B3GALT1: variants seen among roughly 807,000 people sequenced by gnomAD.
The protein encoded by B3GALT1 is beta-1,3-galactosyltransferase 1.
A neutral mutation model predicts 23.2 loss-of-function variants in B3GALT1; 10 were observed. The observed-to-expected ratio is 0.43, with a 90% confidence interval of 0.27 to 0.73. B3GALT1 has a LOEUF of 0.73. Ranked by LOEUF, B3GALT1 falls within the 30% of genes least tolerant of loss-of-function variation. The pLI is 0.21. For synonymous variants in B3GALT1, 156 were observed against 141.5 expected (o/e 1.10, Z -0.73); for missense variants, 299 against 405.4 (o/e 0.74, Z 2.25).
chr2:167,665,358 C>T (rs9678129), intron 3 of B3GALT1, among the ~76,000 whole-genome samples: 8 of 120,660 alleles, frequency 6.6e-5, no homozygotes, highest in African/African-American at 2.7e-4. Flanking sequence ...TGCTGGATTT[C>T]GTTTGCCAGT....
chr2:167,707,764 T>C (rs575434245), intron 3 of B3GALT1, among the ~76,000 whole-genome samples: 1 of 152,290 alleles, frequency 6.6e-6, no homozygotes, highest in South Asian at 2.1e-4. Flanking sequence ...ACCTAACACG[T>C]CCACAGATTC....
intron 1 of B3GALT1, among the ~76,000 whole-genome samples, chr2:167,420,648 G>A (rs750646087): frequency 6.6e-6 from 1 of 152,160 alleles, no homozygotes; most frequent in Non-Finnish European, 1.5e-5. Context: ...CTCATGCCTA[G>A]CATGGCCGTG....
chr2:167,826,918 A>AACTT (rs1171928037), intron 4 of B3GALT1, among the ~76,000 whole-genome samples: 15 of 152,214 alleles, frequency 9.9e-5, no homozygotes, highest in Middle Eastern at 3.2e-3. Flanking sequence ...TTATATAAGG[A>AACTT]ACTTAAGCAT....
chr2:167,583,234 C>T (rs746623192), intron 2 of B3GALT1, among the ~76,000 whole-genome samples: 22 of 152,142 alleles, frequency 1.4e-4, no homozygotes, highest in Non-Finnish European at 2.6e-4. Flanking sequence ...CCTTTTGTCC[C>T]CCCTTGTCCC....
intron 3 of B3GALT1, among the ~76,000 whole-genome samples, chr2:167,815,950 A>G (rs1688985120): frequency 6.6e-6 from 1 of 152,224 alleles, no homozygotes; most frequent in African/African-American, 2.4e-5. Context: ...ATTCATTTCT[A>G]CTTGACTTTG....
chr2:167,802,972 CAT>C lies in B3GALT1; in HGVS notation c.-351-15699_-351-15698del, dbSNP rs758115897. 3.9e-5 allele frequency among the ~76,000 whole-genome samples: 6 copies of C among 152,060 alleles called. No homozygotes were observed. In the South Asian group the frequency reaches 6.2e-4, roughly 16 times the overall value. ...ATTGGAAAAAATAATAGTACCTACA[CAT>C]GTGTTATTTAGGCTGCAAAAAATGA... On this transcript the variant is annotated intron_variant, in intron 3 of 4. Transcript: ENST00000392690.
At chr2:167,716,491 GCTTTC>G (rs1179850263) in intron 3 of B3GALT1, among the ~76,000 whole-genome samples, 1 of 152,138 alleles carries the variant, frequency 6.6e-6, no homozygotes, top group East Asian at 1.9e-4. Context: ...AGGCACTGTT[GCTTTC>G]CTTTCATTAA....
intron 1 of B3GALT1, among the ~76,000 whole-genome samples, chr2:167,365,688 A>G (rs1251041110): frequency 6.6e-6 from 1 of 151,468 alleles, no homozygotes; most frequent in Non-Finnish European, 1.5e-5. Context: ...TGTTTTTGCT[A>G]TTTTTGTTTT....
At chr2:167,578,622 A>G (rs757198478) in intron 2 of B3GALT1, among the ~76,000 whole-genome samples, 14 of 151,918 alleles carry the variant, frequency 9.2e-5, no homozygotes, top group Non-Finnish European at 1.8e-4. Context: ...GACCAAAGCA[A>G]CCAAAATGTT....
At chr2:167,559,687 C>T (rs1270744521) in intron 2 of B3GALT1, among the ~76,000 whole-genome samples, 1 of 152,052 alleles carries the variant, frequency 6.6e-6, no homozygotes, top group African/African-American at 2.4e-5. Flanking sequence ...GTGCGATCAA[C>T]TGGAAGAAAG....
chr2:167,463,253 T>C (rs532703915), intron 1 of B3GALT1, among the ~76,000 whole-genome samples: 4 of 152,192 alleles, frequency 2.6e-5, no homozygotes, highest in Non-Finnish European at 5.9e-5. Context: ...TCTTTTATTT[T>C]ACTAATATCT....
chr2:167,596,664 A>G (rs1360609143), intron 2 of B3GALT1, among the ~76,000 whole-genome samples: 1 of 150,576 alleles, frequency 6.6e-6, no homozygotes, highest in Non-Finnish European at 1.5e-5. Flanking sequence ...ATATAAAAAT[A>G]GAGGATTTTT....
intron 4 of B3GALT1, among the ~76,000 whole-genome samples, chr2:167,851,284 G>A (rs1315595616): frequency 6.6e-6 from 1 of 152,008 alleles, no homozygotes; most frequent in African/African-American, 2.4e-5. Flanking sequence ...TACCCCATAA[G>A]GCAAACCAAA....
intron 3 of B3GALT1, among the ~76,000 whole-genome samples, chr2:167,797,262 A>T (rs1688558870): frequency 6.6e-6 from 1 of 152,218 alleles, no homozygotes; most frequent in South Asian, 2.1e-4. Flanking sequence ...TTTGCTGAAG[A>T]TAACGACTTC....
At chr2:167,851,333 A>G (rs1689882555) in intron 4 of B3GALT1, among the ~76,000 whole-genome samples, 1 of 152,206 alleles carries the variant, frequency 6.6e-6, no homozygotes, top group African/African-American at 2.4e-5. Context: ...GAACTCGTTT[A>G]AAAAGCAAAA....
At chr2:167,369,634 T>C (rs1213677226) in intron 1 of B3GALT1, among the ~76,000 whole-genome samples, 2 of 152,142 alleles carry the variant, frequency 1.3e-5, no homozygotes, top group African/African-American at 4.8e-5. Context: ...GTTTTAACCA[T>C]CCAGGCGTAG....
chr2:167,788,281 C>CG (rs71397609), intron 3 of B3GALT1, among the ~76,000 whole-genome samples: 15 of 86,040 alleles, frequency 1.7e-4, no homozygotes, highest in South Asian at 4.0e-4. Flanking sequence ...TGGGTGGGGG[C>CG]GGGGGGGTGT....
chr2:167,409,112 A>C (rs1698354806), intron 1 of B3GALT1, among the ~76,000 whole-genome samples: 1 of 152,176 alleles, frequency 6.6e-6, no homozygotes, highest in Admixed American at 6.5e-5. Flanking sequence ...CCCATACTTC[A>C]GTTTGTTTTA....
chr2:167,725,001 C>A (rs1208869044), intron 3 of B3GALT1, among the ~76,000 whole-genome samples: 4 of 152,190 alleles, frequency 2.6e-5, no homozygotes, highest in Admixed American at 2.6e-4. Flanking sequence ...TCAGAAATGA[C>A]AATGAGACTC....
Sources: gnomAD v4.1 joint callset for allele counts (sites outside exome capture counted in the v4.1 genomes callset) on GRCh38, gnomAD v4.1.1 for gene constraint, MANE v1.5 for transcripts, NCBI Gene and HGNC (gene_info 2026-07-23, HGNC 2026-07-21) for gene names.